B3GALNT2: variants seen among roughly 807,000 people sequenced by gnomAD.
B3GALNT2 encodes beta-1,3-N-acetylgalactosaminyltransferase 2.
In B3GALNT2, 53 loss-of-function variants were observed where a neutral mutation model predicts 61.1. The ratio of observed to expected loss-of-function variants is 0.87; its 90% confidence interval spans 0.70 to 1.09. The LOEUF is 1.09. Ranked by LOEUF, B3GALNT2 falls within the 50% of genes least tolerant of loss-of-function variation. The pLI is 0.00. For missense variants in B3GALNT2, 544 were observed against 623.0 expected (o/e 0.87, Z 1.35); for synonymous variants, 223 against 237.4 (o/e 0.94, Z 0.56).
chr1:235,474,976 TATATATATATA>T (rs1239251240), intron 5 of B3GALNT2, among the ~76,000 whole-genome samples: 21 of 32,318 alleles, frequency 6.5e-4, no homozygotes, highest in African/African-American at 2.3e-3. Flanking sequence ...TATATATATA[TATATATATATA>T]TTTTTTTTTT....
Position 235,448,236 on chromosome 1 carries a change from A to T in B3GALNT2, c.*1970T>A. The T allele has an allele frequency of 1.2e-6, 1 of 833,376 alleles. No homozygotes were observed. 51.6% of individuals were successfully genotyped at this position (833,376 alleles called of 1,614,324 possible). ...AGTCAGTCTCAAAAAAAAAAAAAAA[A>T]AAAAGACAGATACAGCTATCATTGC... On this transcript the variant is annotated 3_prime_UTR_variant, in exon 12 of 12. Coordinates refer to ENST00000366600, the MANE Select transcript of B3GALNT2 (RefSeq NM_152490.5).
At chr1:235,463,734 T>G (rs1572499745) in intron 7 of B3GALNT2, 1 of 152,008 alleles carries the variant, frequency 6.6e-6, no homozygotes, top group East Asian at 1.9e-4. Context: ...GCCTGGCTAA[T>G]TTTTTTGTAT....
chr1:235,444,220 C>T (rs1040371189), downstream of B3GALNT2, among the ~76,000 whole-genome samples: 17 of 152,144 alleles, frequency 1.1e-4, no homozygotes, highest in South Asian at 4.1e-4. Flanking sequence ...TTTACCACAA[C>T]GTCTCCATTT....
chr1:235,476,267 C>T (rs1030625810), intron 5 of B3GALNT2, among the ~76,000 whole-genome samples: 2 of 152,118 alleles, frequency 1.3e-5, no homozygotes, highest in African/African-American at 4.8e-5. Context: ...AAAAATTAGC[C>T]AGGCGTGATG....
chr1:235,493,639 A>T (rs756886586), intron 2 of B3GALNT2, among the ~76,000 whole-genome samples: 9 of 152,056 alleles, frequency 5.9e-5, no homozygotes, highest in Non-Finnish European at 1.2e-4. Context: ...TTAGCCGGGC[A>T]TGGTGGCAAG....
Position 235,504,309 on chromosome 1 carries a change from C to G in B3GALNT2, c.-57G>C. On this transcript the variant is annotated 5_prime_UTR_variant, in exon 1 of 12. Transcript: ENST00000366600. Reference sequence around the variant, plus strand: ...GCGTCCCGGCGGAGAGGGAGGGGACCTGCAAGTGCGGAGACTGAGGGGCGG... The same window carrying G: ...GCGTCCCGGCGGAGAGGGAGGGGACGTGCAAGTGCGGAGACTGAGGGGCGG... 2.7e-6 allele frequency: 4 copies of G among 1,464,426 alleles called. No homozygotes were observed. The highest frequency in any genetic ancestry group is 3.6e-6 in the Non-Finnish European group (4 of 1,112,450). The allele number at this position is 1,464,426 out of a possible 1,614,324, so 90.7% of individuals were successfully genotyped here.
chr1:235,493,952 T>C (rs1253416199), intron 2 of B3GALNT2, among the ~76,000 whole-genome samples: 1 of 152,152 alleles, frequency 6.6e-6, no homozygotes, highest in African/African-American at 2.4e-5. Context: ...TCTTCAGAGG[T>C]TGATCTCATT....
At chr1:235,476,397 C>T (rs967361325) in intron 5 of B3GALNT2, among the ~76,000 whole-genome samples, 2 of 151,566 alleles carry the variant, frequency 1.3e-5, no homozygotes, top group East Asian at 1.9e-4. Context: ...GGTGACAGAG[C>T]GAGACTCCGT....
chr1:235,465,400 T>C (rs973975034), intron 7 of B3GALNT2: 1 of 429,660 alleles, frequency 2.3e-6, no homozygotes, highest in Non-Finnish European at 3.8e-6. Context: ...GGGTGGGGGG[T>C]TGGGGAGGTA....
At chr1:235,469,782 GAC>G (rs1553347693) in intron 6 of B3GALNT2, among the ~76,000 whole-genome samples, 1 of 150,450 alleles carries the variant, frequency 6.6e-6, no homozygotes, top group Non-Finnish European at 1.5e-5. Flanking sequence ...GGCTGGTCTT[GAC>G]CTCCTGACCT....
intron 1 of B3GALNT2, among the ~76,000 whole-genome samples, chr1:235,501,208 A>T (rs1685567026): frequency 6.6e-6 from 1 of 152,214 alleles, no homozygotes; most frequent in Admixed American, 6.5e-5. Context: ...CTATGTTTAG[A>T]TTCCTTAGTC....
At chr1:235,502,509 A>C (rs1184102635) in intron 1 of B3GALNT2, among the ~76,000 whole-genome samples, 1 of 152,200 alleles carries the variant, frequency 6.6e-6, no homozygotes, top group Non-Finnish European at 1.5e-5. Context: ...ACTAGTATTG[A>C]TCTTCTTACC....
At position 235,489,152 on chromosome 1, in the gene B3GALNT2, G is replaced by A. The variant is rs1684943356; in HGVS notation, c.361+16C>T. On this transcript the variant is annotated intron_variant, in intron 3 of 11. Coordinates refer to ENST00000366600, the MANE Select transcript of B3GALNT2 (RefSeq NM_152490.5). ...ATCAAGCTTGTGTATGGCAGTCAAG[G>A]GAAAAGATGACTTACCTGGATTTGT... The A allele has an allele frequency of 6.2e-7, 1 of 1,612,906 alleles. No homozygotes were observed. The highest frequency in any genetic ancestry group is 8.5e-7 in the Non-Finnish European group (1 of 1,179,464).
Position 235,470,872 on chromosome 1 carries a change from C to T in B3GALNT2, c.740G>A (p.Gly247Glu), listed in dbSNP as rs367543072. ...NLHKVTVNDG[G>E]GVLRVITAGE... ...TACTGTAATGACTCTGAGAACTCCC[C>T]CTCCATCATTCACTGTCACTTTGTG... Residue 247 changes from glycine to glutamate, a missense_variant, in exon 6 of 12, where the codon GGG becomes GAG. Transcript: ENST00000366600. 37 of 1,613,980 alleles carry T rather than the reference C, an allele frequency of 2.3e-5. No individual in the cohort carries two copies. Among genetic ancestry groups the T allele is most frequent in the Non-Finnish European group, 2.9e-5 (34 of 1,179,964 alleles).
At chr1:235,458,501 CCCTAGTAAGGGGTTTCCTTACAG>C (rs1234367568) in intron 8 of B3GALNT2, 79 bp downstream of exon 8, 14 of 1,430,614 alleles carry the variant, frequency 9.8e-6, no homozygotes, top group Non-Finnish European at 1.2e-5. Flanking sequence ...CCTAGGAAAC[CCCTAGTAAGGGGTTTCCTTACAG>C]CCTAGTAAGA....
At chr1:235,460,441 G>A (rs1363424976) in intron 7 of B3GALNT2, among the ~76,000 whole-genome samples, 4 of 145,278 alleles carry the variant, frequency 2.8e-5, no homozygotes, top group South Asian at 2.3e-4. Flanking sequence ...ACTGTGCCTG[G>A]CCATGTTTTA....
chr1:235,495,061 G>C (rs1444357812), intron 1 of B3GALNT2, among the ~76,000 whole-genome samples: 2 of 152,040 alleles, frequency 1.3e-5, no homozygotes, highest in Admixed American at 6.6e-5. Flanking sequence ...TCATGCTCAC[G>C]TAAGTATACT....
chr1:235,502,171 C>G (rs1358774263), intron 1 of B3GALNT2, among the ~76,000 whole-genome samples: 5 of 152,180 alleles, frequency 3.3e-5, no homozygotes, highest in Non-Finnish European at 7.3e-5. Context: ...CACCACTATG[C>G]CCGGCTAATT....
chr1:235,482,625 A>C (rs1026122722), intron 4 of B3GALNT2, among the ~76,000 whole-genome samples: 1 of 151,882 alleles, frequency 6.6e-6, no homozygotes, highest in Non-Finnish European at 1.5e-5. Context: ...AAAAATCAAT[A>C]CTCTGAGGAA....
Sources: allele counts gnomAD v4.1 joint callset (sites outside exome capture counted in the v4.1 genomes callset), GRCh38; gene constraint gnomAD v4.1.1; transcripts MANE v1.5; gene names NCBI Gene and HGNC (gene_info 2026-07-23, HGNC 2026-07-21).